The following GRK5 variants were observed in gnomAD, a reference collection of about 807,000 sequenced individuals.
The protein encoded by GRK5 is G protein-coupled receptor kinase 5.
In GRK5, 40 loss-of-function variants were observed where a neutral mutation model predicts 78.4. That is an observed-to-expected ratio of 0.51 (90% CI 0.40 to 0.66). GRK5 has a LOEUF of 0.66. GRK5 is among the 30% of genes least tolerant of loss of function. The pLI is 0.00. For synonymous variants in GRK5, 289 were observed against 296.8 expected (o/e 0.97, Z 0.27); for missense variants, 598 against 759.9 (o/e 0.79, Z 2.50).
intron 3 of GRK5, among the ~76,000 whole-genome samples, chr10:119,390,441 T>C (rs573091913): frequency 6.6e-6 from 1 of 152,258 alleles, no homozygotes; most frequent in South Asian, 2.1e-4. Flanking sequence ...AATCCTGTAA[T>C]CCCAGCACTT....
Position 119,272,000 on chromosome 10 carries a change from T to G in GRK5, c.53-54516T>G, listed in dbSNP as rs563176630. 6.6e-6 allele frequency among the ~76,000 whole-genome samples: 1 copy of G among 152,308 alleles called. No individual in the cohort carries two copies. The highest frequency in any genetic ancestry group is 2.4e-5 in the African/African-American group (1 of 41,580). ...TCTCATGACTCTGCTGGGAAGAGCC[T>G]TCCTGCGGGCCCCCTTGAGCTAGGA... On this transcript the variant is annotated intron_variant, in intron 1 of 15. Transcript: ENST00000392870. This position sits in a 1 kb window ranked among gnomAD's most constrained non-coding sequence, Gnocchi z 4.1.
intron 1 of GRK5, among the ~76,000 whole-genome samples, chr10:119,296,051 C>T (rs1850074279): frequency 6.6e-6 from 1 of 152,232 alleles, no homozygotes; most frequent in Non-Finnish European, 1.5e-5. Flanking sequence ...TATCATCCCA[C>T]ATTAGAAGAA....
rs577852283 is a variant in GRK5, at chr10:119,243,507, T to A, written c.52+35538T>A. Among the ~76,000 whole-genome samples, 7 of 152,222 alleles carry A rather than the reference T, an allele frequency of 4.6e-5. No homozygotes were observed. The South Asian group carries it at 1.4e-3, about 32-fold the overall frequency. On this transcript the variant is annotated intron_variant, in intron 1 of 15. Transcript: ENST00000392870. ...AAAAAAGAGAATTTATGGATTCATA[T>A]GTCTGGGAGTATTCCTGGATTTCTG...
intron 12 of GRK5, among the ~76,000 whole-genome samples, chr10:119,444,600 C>T (rs530947854): frequency 6.6e-6 from 1 of 152,290 alleles, no homozygotes; most frequent in South Asian, 2.1e-4. Context: ...CTGGCACCCC[C>T]ACTGCAAGCA....
intron 12 of GRK5, 100 bp from the exon 13 acceptor site, chr10:119,448,023 G>C (rs1219589362): frequency 3.6e-6 from 5 of 1,395,296 alleles, no homozygotes; most frequent in Non-Finnish European, 4.7e-6. Context: ...GGGGCAGCGT[G>C]TCTTGGGTTC....
At chr10:119,221,510 G>A (rs1157259794) in intron 1 of GRK5, among the ~76,000 whole-genome samples, 1 of 152,166 alleles carries the variant, frequency 6.6e-6, no homozygotes, top group East Asian at 1.9e-4. Context: ...ACTCTTAGGG[G>A]TTATCCAGTT....
At chr10:119,301,472 C>T (rs113097449) in intron 1 of GRK5, among the ~76,000 whole-genome samples, 2,197 of 152,284 alleles carry the variant, frequency 0.014, 23 homozygotes, top group South Asian at 0.039. Flanking sequence ...AGCAGCCCCA[C>T]GAAGTACACA....
At chr10:119,215,912 G>C (rs982612445) in intron 1 of GRK5, among the ~76,000 whole-genome samples, 32 of 152,168 alleles carry the variant, frequency 2.1e-4, no homozygotes, top group Admixed American at 1.1e-3. Context: ...AAATGGGGGT[G>C]AAGACAGGCA....
At chr10:119,260,212 AGGATG>A (rs1849351814) in intron 1 of GRK5, among the ~76,000 whole-genome samples, 1 of 152,152 alleles carries the variant, frequency 6.6e-6, no homozygotes, top group Non-Finnish European at 1.5e-5. Context: ...CGTGTTAGCC[AGGATG>A]GTCTCGATCT....
At chr10:119,227,760 C>T (rs1172152163) in intron 1 of GRK5, among the ~76,000 whole-genome samples, 3 of 152,162 alleles carry the variant, frequency 2.0e-5, no homozygotes, top group Non-Finnish European at 4.4e-5. Flanking sequence ...TATATAGAAT[C>T]TTAGTTTGGC....
rs1001483737 is a variant in GRK5 at position 119,430,242 on chromosome 10, TG to T, written c.534-127del. 9 of 768,792 alleles carry T rather than the reference TG, an allele frequency of 1.2e-5. No individual in the cohort carries two copies. Among genetic ancestry groups the T allele is most frequent in the African/African-American group, 1.1e-4 (6 of 57,122 alleles). 47.6% of individuals were successfully genotyped at this position (768,792 alleles called of 1,614,324 possible). ...AGGTCCAGTCTCCAGCGATGATTCC[TG>T]GGGGGTCCCTGGGGCTGCTGTGGGG... On this transcript the variant is annotated intron_variant, in intron 6 of 15. Coordinates refer to ENST00000392870, the MANE Select transcript of GRK5 (RefSeq NM_005308.3). The surrounding 1 kb of genome is among the most constrained non-coding windows in gnomAD (Gnocchi z 4.5).
intron 1 of GRK5, among the ~76,000 whole-genome samples, chr10:119,307,981 T>G (rs980533033): frequency 9.2e-5 from 14 of 152,242 alleles, no homozygotes; most frequent in Admixed American, 6.5e-4. Context: ...ATGGGGAACC[T>G]GGGGCCCCAG....
At chr10:119,382,913 A>G (rs921021062) in intron 3 of GRK5, among the ~76,000 whole-genome samples, 7 of 150,970 alleles carry the variant, frequency 4.6e-5, no homozygotes, top group Admixed American at 3.3e-4. Context: ...AGGCTCCTCT[A>G]TATTTCTTTC....
At chr10:119,339,255 G>T (rs1564897079) in intron 2 of GRK5, among the ~76,000 whole-genome samples, 1 of 152,184 alleles carries the variant, frequency 6.6e-6, no homozygotes, top group African/African-American at 2.4e-5. Flanking sequence ...GCTCGTTTGT[G>T]CGGGGGACCT....
At chr10:119,326,698 C>CGCCAAGCTGTCT in intron 2 of GRK5, 87 bp downstream of exon 2, 1 of 987,858 alleles carries the variant, frequency 1.0e-6, no homozygotes. Flanking sequence ...ATGGGTGAGC[C>CGCCAAGCTGTCT]GCCAAGCTGT....
At chr10:119,343,513 G>A (rs1851019654) in intron 2 of GRK5, among the ~76,000 whole-genome samples, 1 of 152,240 alleles carries the variant, frequency 6.6e-6, no homozygotes, top group South Asian at 2.1e-4. Context: ...TGAAGGAAGT[G>A]GAGCCTGGAT....
intron 2 of GRK5, chr10:119,333,639 A>G (rs1286186274): frequency 7.4e-6 from 3 of 407,126 alleles, no homozygotes; most frequent in South Asian, 5.4e-5. Context: ...TACTCAAGGC[A>G]GGGAGACTAC....
intron 1 of GRK5, among the ~76,000 whole-genome samples, chr10:119,216,773 T>G (rs1848581312): frequency 6.6e-6 from 1 of 152,076 alleles, no homozygotes; most frequent in South Asian, 2.1e-4. Context: ...ACCACCGTGG[T>G]GAAAACCCAT....
chr10:119,459,475 G>A lies in GRK5; in HGVS notation c.*4408G>A, dbSNP rs1853449497. On this transcript the variant is annotated 3_prime_UTR_variant, in exon 16 of 16. Transcript: ENST00000392870. ...CATTTTTGTAACAGTCCCTAAGCGA[G>A]TGTTCTCAATTAGAAGAGTTTAGTG... is the stretch of plus-strand genomic sequence containing the variant. The A allele has an allele frequency of 6.6e-6, 1 of 152,224 alleles. No individual in the cohort carries two copies. Among genetic ancestry groups the A allele is most frequent in the African/African-American group, 2.4e-5 (1 of 41,452 alleles). The allele number at this position is 152,224 out of a possible 1,614,324, so 9.4% of individuals were successfully genotyped here.
Sources: allele counts gnomAD v4.1 joint callset (sites outside exome capture counted in the v4.1 genomes callset), GRCh38; gene constraint gnomAD v4.1.1; non-coding constraint Gnocchi (gnomAD v3.1); transcripts MANE v1.5; gene names NCBI Gene and HGNC (gene_info 2026-07-23, HGNC 2026-07-21).